PDGFD: variants seen among roughly 807,000 people sequenced by gnomAD.
PDGFD encodes the protein platelet derived growth factor D, also known as platelet-derived growth factor D.
PDGFD carries 30 observed loss-of-function variants against 44.7 expected under a neutral mutation model. That is an observed-to-expected ratio of 0.67 (90% CI 0.50 to 0.91). The LOEUF is 0.91. Among genes scored for constraint, PDGFD ranks in the 40% least tolerant of loss-of-function variants. The pLI, the probability that PDGFD is intolerant of heterozygous loss-of-function variation, is 0.00. For missense variants in PDGFD, 445 were observed against 457.8 expected (o/e 0.97, Z 0.25); for synonymous variants, 173 against 168.4 (o/e 1.03, Z -0.21).
intron 3 of PDGFD, among the ~76,000 whole-genome samples, chr11:103,961,857 T>G (rs2134337522): frequency 6.6e-6 from 1 of 152,276 alleles, no homozygotes; most frequent in African/African-American, 2.4e-5. Flanking sequence ...TGCCAATTAG[T>G]GCCTGCAGCC....
intron 1 of PDGFD, among the ~76,000 whole-genome samples, chr11:104,152,011 T>C (rs939416422): frequency 6.6e-6 from 1 of 152,218 alleles, no homozygotes; most frequent in Non-Finnish European, 1.5e-5. Flanking sequence ...ATATGTGTTT[T>C]CTCTCTTCAG....
At chr11:104,116,731 A>C (rs1861644915) in intron 1 of PDGFD, among the ~76,000 whole-genome samples, 1 of 151,916 alleles carries the variant, frequency 6.6e-6, no homozygotes, top group African/African-American at 2.4e-5. Flanking sequence ...TAGAATTCCC[A>C]TGCATTGTGG....
chr11:104,152,774 T>C (rs1368223960), intron 1 of PDGFD, among the ~76,000 whole-genome samples: 1 of 152,102 alleles, frequency 6.6e-6, no homozygotes, highest in Admixed American at 6.6e-5. Context: ...AGTCTAAAAG[T>C]ATATGTAATT....
Position 103,948,543 on chromosome 11 carries a change from T to C in PDGFD, c.511-819A>G, listed in dbSNP as rs569061279. On this transcript the variant is annotated intron_variant, in intron 3 of 6. Coordinates refer to ENST00000393158, the MANE Select transcript of PDGFD (RefSeq NM_025208.5). Reference sequence around the variant, plus strand: ...ATTAAGGGAAGGAAAACTAATTCTGTCATTTTTACAATCCACAGATGGCTT... The same window carrying C: ...ATTAAGGGAAGGAAAACTAATTCTGCCATTTTTACAATCCACAGATGGCTT... 5.3e-4 allele frequency among the ~76,000 whole-genome samples: 81 copies of C among 152,334 alleles called. 1 individual carries two copies. Among genetic ancestry groups the C allele is most frequent in the African/African-American group, 1.8e-3 (74 of 41,578 alleles).
At chr11:104,037,810 C>G in intron 1 of PDGFD, 1 of 1,614,164 alleles carries the variant, frequency 6.2e-7, no homozygotes, top group Non-Finnish European at 8.5e-7. Flanking sequence ...GGATATGCTT[C>G]TAGGCCTAGA....
At chr11:104,057,839 C>T (rs1860646333) in intron 1 of PDGFD, among the ~76,000 whole-genome samples, 1 of 152,008 alleles carries the variant, frequency 6.6e-6, no homozygotes, top group South Asian at 2.1e-4. Flanking sequence ...ATCCATAGAA[C>T]ACAATAGAGT....
intron 3 of PDGFD, among the ~76,000 whole-genome samples, chr11:103,965,848 G>C (rs1565297354): frequency 6.6e-6 from 1 of 152,132 alleles, no homozygotes; most frequent in Non-Finnish European, 1.5e-5. Context: ...ACAGCCTCTT[G>C]ATATCCAGGT....
chr11:103,944,737 C>T (rs183646091), intron 4 of PDGFD, among the ~76,000 whole-genome samples: 1 of 152,252 alleles, frequency 6.6e-6, no homozygotes, highest in Admixed American at 6.5e-5. Context: ...CTCTCTTTAA[C>T]CAATCAAGGT....
intron 1 of PDGFD, among the ~76,000 whole-genome samples, chr11:104,153,630 A>G (rs1192071240): frequency 1.3e-5 from 2 of 152,184 alleles, no homozygotes; most frequent in African/African-American, 4.8e-5. Flanking sequence ...CAAAAACAAA[A>G]AGGATTAATA....
At chr11:104,144,470 C>T (rs1326384947) in intron 1 of PDGFD, among the ~76,000 whole-genome samples, 1 of 127,878 alleles carries the variant, frequency 7.8e-6, no homozygotes, top group African/African-American at 3.0e-5. Flanking sequence ...TGCGCCACTG[C>T]ACTTTAGCCT....
At chr11:103,949,281 G>A (rs1858713599) in intron 3 of PDGFD, among the ~76,000 whole-genome samples, 6 of 152,102 alleles carry the variant, frequency 3.9e-5, no homozygotes, top group Non-Finnish European at 8.8e-5. Context: ...GGGATTACAG[G>A]CATGAGCCAC....
intron 5 of PDGFD, among the ~76,000 whole-genome samples, chr11:103,933,724 C>A (rs1287247761): frequency 4.6e-5 from 7 of 152,146 alleles, no homozygotes. Flanking sequence ...TCACAGCAAA[C>A]CCTCATCTTA....
intron 1 of PDGFD, among the ~76,000 whole-genome samples, chr11:104,054,258 C>A (rs1409807202): frequency 6.6e-6 from 1 of 152,204 alleles, no homozygotes; most frequent in Non-Finnish European, 1.5e-5. Flanking sequence ...TGCATATTTG[C>A]ACAATATCCT....
Position 103,909,619 on chromosome 11 carries a change from G to C in PDGFD, c.*75C>G. Reference sequence around the variant, plus strand: ...CTAGTAGTAAGTTTGGTTGCTGGTAGGAAAAGGGTCTCTTATCTCACCCTC... The same window carrying C: ...CTAGTAGTAAGTTTGGTTGCTGGTACGAAAAGGGTCTCTTATCTCACCCTC... On this transcript the variant is annotated 3_prime_UTR_variant, in exon 7 of 7. Coordinates refer to ENST00000393158, the MANE Select transcript of PDGFD (RefSeq NM_025208.5). 6.4e-7 allele frequency: 1 copy of C among 1,568,414 alleles called. No individual in the cohort carries two copies. The highest frequency in any genetic ancestry group is 8.7e-7 in the Non-Finnish European group (1 of 1,143,632).
chr11:103,933,681 G>C (rs996627846), intron 5 of PDGFD, among the ~76,000 whole-genome samples: 7 of 152,202 alleles, frequency 4.6e-5, no homozygotes. Flanking sequence ...CACTTTGTGA[G>C]ATGCTTTCAC....
intron 1 of PDGFD, among the ~76,000 whole-genome samples, chr11:104,148,299 T>C (rs1008378531): frequency 6.6e-6 from 1 of 152,188 alleles, no homozygotes; most frequent in Non-Finnish European, 1.5e-5. Flanking sequence ...AAAACAGCTC[T>C]CATAAATTAA....
intron 1 of PDGFD, among the ~76,000 whole-genome samples, chr11:104,014,238 G>T (rs926029653): frequency 2.0e-5 from 3 of 152,232 alleles, no homozygotes; most frequent in African/African-American, 7.2e-5. Context: ...GCTTATGCCT[G>T]CAATCCCAGC....
chr11:104,109,683 C>T (rs1861523938), intron 1 of PDGFD, among the ~76,000 whole-genome samples: 1 of 151,922 alleles, frequency 6.6e-6, no homozygotes, highest in Admixed American at 6.6e-5. Flanking sequence ...TAGAATAGTC[C>T]ATGCTGTGAA....
chr11:104,016,681 T>C (rs953367557), intron 1 of PDGFD, among the ~76,000 whole-genome samples: 3 of 152,252 alleles, frequency 2.0e-5, no homozygotes, highest in African/African-American at 4.8e-5. Flanking sequence ...CCTTGAAATA[T>C]GCATTCAACC....
Sources: gnomAD v4.1 joint callset for allele counts (sites outside exome capture counted in the v4.1 genomes callset) on GRCh38, gnomAD v4.1.1 for gene constraint, MANE v1.5 for transcripts, NCBI Gene and HGNC (gene_info 2026-07-23, HGNC 2026-07-21) for gene names.